Variants in IL1RAPL1 observed in about 807,000 individuals in gnomAD.
IL1RAPL1 encodes interleukin 1 receptor accessory protein like 1.
IL1RAPL1 carries 3 observed loss-of-function variants against 48.4 expected under a neutral mutation model. That is an observed-to-expected ratio of 0.06 (90% CI 0.03 to 0.16). The LOEUF is 0.16. Among genes scored for constraint, IL1RAPL1 ranks in the 10% least tolerant of loss-of-function variants. IL1RAPL1 has a pLI of 1.00. For synonymous variants in IL1RAPL1, 185 were observed against 187.7 expected (o/e 0.99, Z 0.12); for missense variants, 349 against 530.6 (o/e 0.66, Z 3.36).
chrX:29,923,974 CT>C (rs1456692871), intron 8 of IL1RAPL1, among the ~76,000 whole-genome samples: 2 of 111,740 alleles, frequency 1.8e-5, no homozygotes. Flanking sequence ...AGAGCATGGA[CT>C]TAGGAGTAGG....
Position 29,379,060 on chromosome X carries a change from C to G in IL1RAPL1, c.363-17198C>G, listed in dbSNP as rs140223337. Among the ~76,000 whole-genome samples the G allele has an allele frequency of 4.3e-3, 480 of 112,375 alleles. 1 individual carries two copies. Among genetic ancestry groups the G allele is most frequent in the African/African-American group, 0.015 (460 of 30,993 alleles). ...CTAGAGTGTTGCATACAGATCTCAG[C>G]TTAGCATTCCCGAACTGTGCACCAC... is the stretch of plus-strand genomic sequence containing the variant. On this transcript the variant is annotated intron_variant, in intron 3 of 10. Transcript: ENST00000378993.
At chrX:28,878,285 G>T (rs1331054451) in intron 2 of IL1RAPL1, among the ~76,000 whole-genome samples, 1 of 111,852 alleles carries the variant, frequency 8.9e-6, no homozygotes, top group Non-Finnish European at 1.9e-5. Context: ...ATATGTCACT[G>T]ATATTTTGGT....
chrX:29,709,504 G>A (rs1445063255), intron 6 of IL1RAPL1, among the ~76,000 whole-genome samples: 2 of 110,835 alleles, frequency 1.8e-5, no homozygotes, highest in Non-Finnish European at 3.8e-5. Context: ...ATTGGTCGAT[G>A]TGTCTCTTTT....
chrX:28,952,705 T>A (rs910366287), intron 2 of IL1RAPL1, among the ~76,000 whole-genome samples: 1 of 111,469 alleles, frequency 9.0e-6, no homozygotes, highest in Admixed American at 9.6e-5. Flanking sequence ...ACATCCATGT[T>A]TGAAAAGAAA....
chrX:29,835,559 T>C (rs1037900423), intron 6 of IL1RAPL1, among the ~76,000 whole-genome samples: 6 of 112,221 alleles, frequency 5.3e-5, no homozygotes, highest in African/African-American at 1.9e-4. Flanking sequence ...TCTTACATTT[T>C]TTGGTATAGC....
At chrX:28,738,693 AAG>A (rs1267022719) in intron 1 of IL1RAPL1, among the ~76,000 whole-genome samples, 1 of 111,529 alleles carries the variant, frequency 9.0e-6, no homozygotes, top group Non-Finnish European at 1.9e-5. Context: ...TAGGGTAAGA[AAG>A]AGGGAGGTTA....
intron 3 of IL1RAPL1, among the ~76,000 whole-genome samples, chrX:29,382,689 GTTTA>G (rs752687739): frequency 1.3e-4 from 14 of 111,410 alleles, no homozygotes; most frequent in Admixed American, 2.9e-4. Context: ...TTATGTATTT[GTTTA>G]TTTATTTATT....
At chrX:28,600,852 T>C (rs749902983) in intron 1 of IL1RAPL1, among the ~76,000 whole-genome samples, 4 of 112,142 alleles carry the variant, frequency 3.6e-5, no homozygotes, top group Admixed American at 9.5e-5. Context: ...CATATAACAC[T>C]ATTCACTTTT....
chrX:28,590,415 G>A (rs1413181105), intron 1 of IL1RAPL1, among the ~76,000 whole-genome samples: 2 of 111,152 alleles, frequency 1.8e-5, no homozygotes, highest in East Asian at 2.8e-4. Flanking sequence ...CACCCTCTAA[G>A]TAACTTTGAA....
At chrX:29,042,156 G>A (rs1926861159) in intron 2 of IL1RAPL1, among the ~76,000 whole-genome samples, 1 of 111,932 alleles carries the variant, frequency 8.9e-6, no homozygotes, top group Non-Finnish European at 1.9e-5. Flanking sequence ...TTTCTGCCAT[G>A]AGCAGAACAA....
intron 2 of IL1RAPL1, among the ~76,000 whole-genome samples, chrX:29,182,727 A>G (rs1930171483): frequency 9.0e-6 from 1 of 111,699 alleles, no homozygotes; most frequent in Admixed American, 9.6e-5. Context: ...GGCCTTCCCA[A>G]AGACATTCAT....
At chrX:29,036,267 A>G (rs1346790223) in intron 2 of IL1RAPL1, among the ~76,000 whole-genome samples, 1 of 112,247 alleles carries the variant, frequency 8.9e-6, no homozygotes, top group Admixed American at 9.5e-5. Flanking sequence ...AATAGTTACT[A>G]ACTTCTTATA....
At chrX:29,810,035 A>T (rs1458691708) in intron 6 of IL1RAPL1, among the ~76,000 whole-genome samples, 1 of 110,671 alleles carries the variant, frequency 9.0e-6, no homozygotes, top group Non-Finnish European at 1.9e-5. Flanking sequence ...GCCTGTAAGA[A>T]TTTGGTTGTT....
intron 2 of IL1RAPL1, among the ~76,000 whole-genome samples, chrX:29,253,549 A>G (rs956385865): frequency 9.0e-6 from 1 of 110,813 alleles, no homozygotes; most frequent in African/African-American, 3.3e-5. Flanking sequence ...TTTTACACAA[A>G]CTCCTCATTT....
chrX:29,046,730 T>C (rs1926979302), intron 2 of IL1RAPL1, among the ~76,000 whole-genome samples: 1 of 112,023 alleles, frequency 8.9e-6, no homozygotes, highest in Non-Finnish European at 1.9e-5. Flanking sequence ...ATTATCTGTC[T>C]GCCTACCACC....
intron 2 of IL1RAPL1, among the ~76,000 whole-genome samples, chrX:29,081,012 CTCTCTCTCTTTCT>C (rs1260167041): frequency 1.3e-4 from 9 of 67,810 alleles, no homozygotes; most frequent in East Asian, 1.3e-3. Context: ...CTCTCTCTCT[CTCTCTCTCTTTCT>C]TTTCTTTTCT....
chrX:29,604,240 T>C (rs1447407105), intron 5 of IL1RAPL1, among the ~76,000 whole-genome samples: 1 of 112,118 alleles, frequency 8.9e-6, no homozygotes, highest in Non-Finnish European at 1.9e-5. Flanking sequence ...GTGAATGTCT[T>C]ATAAGTGTCT....
At chrX:29,713,009 A>G (rs1170984073) in intron 6 of IL1RAPL1, among the ~76,000 whole-genome samples, 2 of 112,075 alleles carry the variant, frequency 1.8e-5, no homozygotes, top group African/African-American at 6.5e-5. Context: ...AGCCAATTAA[A>G]TTATCTAAAT....
At chrX:29,521,281 TCGATGGA>T (rs775054466) in intron 5 of IL1RAPL1, among the ~76,000 whole-genome samples, 1 of 111,994 alleles carries the variant, frequency 8.9e-6, no homozygotes, top group Non-Finnish European at 1.9e-5. Context: ...ATTTTCAATG[TCGATGGA>T]CCATAGATCT....
Sources: gnomAD v4.1 joint callset for allele counts (sites outside exome capture counted in the v4.1 genomes callset) on GRCh38, gnomAD v4.1.1 for gene constraint, MANE v1.5 for transcripts, NCBI Gene and HGNC (gene_info 2026-07-23, HGNC 2026-07-21) for gene names.